The following SYNE3 variants were observed in gnomAD, a reference collection of about 807,000 sequenced individuals.
SYNE3 encodes the protein nesprin-3.
SYNE3 carries 100 observed loss-of-function variants against 111.2 expected under a neutral mutation model. The ratio of observed to expected loss-of-function variants is 0.90; its 90% confidence interval spans 0.77 to 1.06. The LOEUF (loss-of-function observed/expected upper bound fraction) is 1.06, where lower values mean the gene tolerates loss of function less well. Among genes scored for constraint, SYNE3 ranks in the 50% least tolerant of loss-of-function variants. SYNE3 has a pLI of 0.00. For missense variants in SYNE3, 1,160 were observed against 1,240.3 expected, an observed-to-expected ratio of 0.94 and a Z score of 0.97; for synonymous variants, 547 against 533.9, an observed-to-expected ratio of 1.02 and a Z score of -0.34.
At chr14:95,468,585 A>C (rs1888336880) in intron 2 of SYNE3, among the ~76,000 whole-genome samples, 1 of 152,058 alleles carries the variant, frequency 6.6e-6, no homozygotes, top group African/African-American at 2.4e-5. Context: ...CAAACAGCTC[A>C]TGTTCCTGCA....
intron 6 of SYNE3, among the ~76,000 whole-genome samples, chr14:95,454,655 G>A (rs79674076): frequency 1.1e-3 from 168 of 152,348 alleles, no homozygotes; most frequent in Admixed American, 6.2e-3. Flanking sequence ...ATATTTTTGC[G>A]TATGAGCAGA....
chr14:95,417,707 G>T lies in SYNE3; in HGVS notation c.*119C>A, dbSNP rs1903624012. On this transcript the variant is annotated 3_prime_UTR_variant, in exon 18 of 18. Transcript: ENST00000682763. ...GGAACGCTGACACAGCACTGATATG[G>T]ATGCAGCTCTGCAGTCTTTGCCCTG... The T allele has an allele frequency of 1.9e-6, 2 of 1,046,114 alleles. No individual in the cohort carries two copies. Among genetic ancestry groups the T allele is most frequent in the Non-Finnish European group, 3.0e-6 (2 of 670,790 alleles). The allele number at this position is 1,046,114 out of a possible 1,614,324, so 64.8% of individuals were successfully genotyped here. A position where few individuals can be genotyped will look rare whatever the true frequency, so the allele number is the denominator to read the frequency against.
In SYNE3 at chr14:95,413,361, G is replaced by C. The variant is rs150272346; in HGVS notation, c.*4465C>G. On this transcript the variant is annotated 3_prime_UTR_variant, in exon 18 of 18. Transcript: ENST00000682763. ...CTCCCTCTGGCCCACTTCCCCGTCC[G>C]CCCTCTCCAGCCAGACCACCATAAA... 6.6e-6 allele frequency: 1 copy of C among 152,288 alleles called. No homozygotes were observed. The highest frequency in any genetic ancestry group is 1.9e-4 in the East Asian group (1 of 5,204). The allele number at this position is 152,288 out of a possible 1,614,324, so 9.4% of individuals were successfully genotyped here.
intron 16 of SYNE3, 108 bp from the exon 17 acceptor site, chr14:95,432,225 T>A: frequency 7.4e-7 from 1 of 1,359,200 alleles, no homozygotes; most frequent in East Asian, 2.5e-5. Flanking sequence ...GTCAGGGGAG[T>A]GTTTCTTTAA....
intron 17 of SYNE3, among the ~76,000 whole-genome samples, chr14:95,422,656 C>T (rs771461827): frequency 2.0e-5 from 3 of 152,206 alleles, no homozygotes; most frequent in Non-Finnish European, 2.9e-5. Context: ...GTCTCAGTAC[C>T]CACTACAAAG....
chr14:95,495,093 C>A (rs550462064), intron 1 of SYNE3, among the ~76,000 whole-genome samples: 1 of 147,410 alleles, frequency 6.8e-6, no homozygotes, highest in Admixed American at 6.8e-5. Flanking sequence ...GCCTGGGCAA[C>A]AGAGCGAGAC....
Position 95,446,106 on chromosome 14 carries a change from G to T in SYNE3, c.1450-15C>A, listed in dbSNP as rs756515642. 2.5e-6 allele frequency: 4 copies of T among 1,613,432 alleles called. No individual in the cohort carries two copies. The East Asian group carries it at 8.9e-5, about 36-fold the overall frequency. On this transcript the variant is annotated splice_polypyrimidine_tract_variant and intron_variant, in intron 8 of 17. Transcript: ENST00000682763. ...ATCAGGGCTGCCTGTGGGAGACAAG[G>T]CTTCCGTGAACCACAGACCGGGCAG... is the stretch of plus-strand genomic sequence containing the variant.
rs1193067135 is a variant in SYNE3 at position 95,470,093 on chromosome 14, AGGGGGTGGTGGCCAC to A, written c.145-2141_145-2127del. 6.6e-6 allele frequency among the ~76,000 whole-genome samples: 1 copy of A among 152,072 alleles called. No homozygotes were observed. The highest frequency in any genetic ancestry group is 1.5e-5 in the Non-Finnish European group (1 of 67,982). Reference sequence around the variant, plus strand: ...AAGTAGCAGGATGTGGCAGGGGCCCAGGGGGTGGTGGCCACAGCAAGTACCCACACAGGGACCCCG... The same window carrying A: ...AAGTAGCAGGATGTGGCAGGGGCCCAAGCAAGTACCCACACAGGGACCCCG... On this transcript the variant is annotated intron_variant, in intron 2 of 17. Coordinates refer to ENST00000682763, the MANE Select transcript of SYNE3 (RefSeq NM_152592.6). This position sits in a 1 kb window ranked among gnomAD's most constrained non-coding sequence, Gnocchi z 4.2.
chr14:95,513,170 C>T (rs550010807), intron 1 of SYNE3, among the ~76,000 whole-genome samples: 1 of 152,208 alleles, frequency 6.6e-6, no homozygotes, highest in Non-Finnish European at 1.5e-5. Context: ...TCCTGATCCT[C>T]TCTCACCTTT....
At chr14:95,430,292 G>T (rs778012446) in intron 17 of SYNE3, among the ~76,000 whole-genome samples, 1 of 152,076 alleles carries the variant, frequency 6.6e-6, no homozygotes, top group Non-Finnish European at 1.5e-5. Flanking sequence ...AGCTAGAGTC[G>T]GTCTGGACAC....
chr14:95,444,484 C>T lies in SYNE3; in HGVS notation c.1776+1G>A, dbSNP rs751249792. 3 of 1,608,332 alleles carry T rather than the reference C, an allele frequency of 1.9e-6. No homozygotes were observed. The South Asian group carries it at 3.3e-5, about 18-fold the overall frequency. ...TGATTCAGGCCTCACAGACCCCTCACCTGCAACCTTGAGAGCTGGGCCTGT... is the reference window on the plus strand; with the variant it reads ...TGATTCAGGCCTCACAGACCCCTCATCTGCAACCTTGAGAGCTGGGCCTGT... On this transcript the variant is annotated splice_donor_variant, in intron 10 of 17. Coordinates refer to ENST00000682763, the MANE Select transcript of SYNE3 (RefSeq NM_152592.6). LOFTEE classifies it high-confidence loss of function.
intron 1 of SYNE3, among the ~76,000 whole-genome samples, chr14:95,499,190 C>A (rs1349846070): frequency 3.3e-5 from 5 of 152,198 alleles, no homozygotes. Flanking sequence ...TCCCGGGAAA[C>A]CTGCCAGTTT....
At chr14:95,510,429 G>A (rs2139616025) in intron 1 of SYNE3, among the ~76,000 whole-genome samples, 1 of 152,338 alleles carries the variant, frequency 6.6e-6, no homozygotes, top group Middle Eastern at 3.4e-3. Flanking sequence ...GAGCCCTGTT[G>A]TCTGTGACAG....
rs778187503 is a variant in SYNE3 at position 95,455,420 on chromosome 14, G to A, written c.1094C>T (p.Ala365Val). ...TGCCACCAGCTCGTCCTCGGTCCCC[G>A]CTTTCGCCGCAGGCTGCAGGCCCTC... ...AQEGLQPAAK[A>V]GTEDELVAHW... The change falls in exon 6 of 18, where the codon GCG becomes GTG. Residue 365 changes from alanine (A) to valine (V), a missense_variant. Ala to Val is a moderately conservative substitution (Grantham distance 64). Transcript: ENST00000682763. 2.4e-5 allele frequency: 37 copies of A among 1,570,510 alleles called. No homozygotes were observed. The highest frequency in any genetic ancestry group is 1.9e-4 in the South Asian group (16 of 85,998).
chr14:95,471,429 C>T (rs1888521416), intron 2 of SYNE3, among the ~76,000 whole-genome samples: 1 of 152,248 alleles, frequency 6.6e-6, no homozygotes, highest in Non-Finnish European at 1.5e-5. Flanking sequence ...CCGAGACCCA[C>T]TGCCTTTTCA....
At position 95,500,243 on chromosome 14, in the gene SYNE3, G is replaced by T. The variant is rs369928370; in HGVS notation, c.-15+16353C>A. 2.0e-5 allele frequency among the ~76,000 whole-genome samples: 3 copies of T among 152,134 alleles called. No individual in the cohort carries two copies. The highest frequency in any genetic ancestry group is 4.4e-5 in the Non-Finnish European group (3 of 68,034). On this transcript the variant is annotated intron_variant, in intron 1 of 17. Coordinates refer to ENST00000682763, the MANE Select transcript of SYNE3 (RefSeq NM_152592.6). The surrounding 1 kb of genome is among the most constrained non-coding windows in gnomAD (Gnocchi z 4.7). ...CTTCACCTCCTTGGAGTCCAAGGTC[G>T]ACTGTTAACAGGCTGTACAGGTTAT...
intron 6 of SYNE3, among the ~76,000 whole-genome samples, chr14:95,453,128 CT>C (rs1887196179): frequency 6.6e-6 from 1 of 152,182 alleles, no homozygotes; most frequent in Non-Finnish European, 1.5e-5. Flanking sequence ...AGACCCACCT[CT>C]GTCTTTTCCT....
chr14:95,459,455 C>T (rs1454372947), intron 4 of SYNE3, among the ~76,000 whole-genome samples: 1 of 152,074 alleles, frequency 6.6e-6, no homozygotes, highest in African/African-American at 2.4e-5. Flanking sequence ...GTCTCAGCTA[C>T]TCGGGAGGCT....
chr14:95,414,875 G>A lies in SYNE3; in HGVS notation c.*2951C>T, dbSNP rs1903529951. ...CTTGTGCTTGGAAGCACCAGTAACT[G>A]GGCTGTTACGTTATATTACAAGTAT... On this transcript the variant is annotated 3_prime_UTR_variant, in exon 18 of 18. Coordinates refer to ENST00000682763, the MANE Select transcript of SYNE3 (RefSeq NM_152592.6). 1 of 152,026 alleles carries A rather than the reference G, an allele frequency of 6.6e-6. No homozygotes were observed. Among genetic ancestry groups the A allele is most frequent in the Non-Finnish European group, 1.5e-5 (1 of 68,028 alleles). The allele number at this position is 152,026 out of a possible 1,614,324, so 9.4% of individuals were successfully genotyped here.
Sources: allele counts gnomAD v4.1 joint callset (sites outside exome capture counted in the v4.1 genomes callset), GRCh38; gene constraint gnomAD v4.1.1; non-coding constraint Gnocchi (gnomAD v3.1); transcripts MANE v1.5; gene names NCBI Gene and HGNC (gene_info 2026-07-23, HGNC 2026-07-21).